Variants in PCDHGA12 observed in about 807,000 individuals in gnomAD.
PCDHGA12 encodes protocadherin gamma subfamily A, 12.
Under a neutral mutation model 61.1 loss-of-function variants are expected in PCDHGA12, and 43 were observed. The observed-to-expected ratio is 0.70, with a 90% CI of 0.55 to 0.91. The LOEUF (loss-of-function observed/expected upper bound fraction) is 0.91. PCDHGA12 is among the 40% of genes least tolerant of loss of function. PCDHGA12 has a pLI of 0.00. For missense variants in PCDHGA12, 1,236 were observed against 1,227.7 expected, an observed-to-expected ratio of 1.01 and a Z score of -0.10; for synonymous variants, 520 against 542.9, an observed-to-expected ratio of 0.96 and a Z score of 0.59.
chr5:141,490,030 C>G lies in PCDHGA12; in HGVS notation c.2425-4777C>G, dbSNP rs1361758608. The G allele has an allele frequency of 1.2e-6, 2 of 1,614,150 alleles. No individual in the cohort carries two copies. Among genetic ancestry groups the G allele is most frequent in the African/African-American group, 2.7e-5 (2 of 74,936 alleles). The stretch of plus-strand genomic sequence containing the variant: ...ACCCATTGGTACTCTGCTGCTCCGC[C>G]TCAATGCCACTGATCCAGACGAGGG... On this transcript the variant is annotated intron_variant, in intron 1 of 3. Coordinates refer to ENST00000252085, the MANE Select transcript of PCDHGA12 (RefSeq NM_003735.3). This position sits in a 1 kb window ranked among gnomAD's most constrained non-coding sequence, Gnocchi z 5.4.
At position 141,476,128 on chromosome 5, in the gene PCDHGA12, G is replaced by A. The variant is rs1450094771; in HGVS notation, c.2425-18679G>A. 1 of 1,606,456 alleles carries A rather than the reference G, an allele frequency of 6.2e-7. No homozygotes were observed. Among genetic ancestry groups the A allele is most frequent in the African/African-American group, 1.3e-5 (1 of 74,874 alleles). On this transcript the variant is annotated intron_variant, in intron 1 of 3. Transcript: ENST00000252085. The surrounding 1 kb of genome is among the most constrained non-coding windows in gnomAD (Gnocchi z 7.6). ...TGCTTTTGAGTGAGATGGTCCCAGA[G>A]GCCTGGAGGAGCGGACTGGTAAGCA...
intron 1 of PCDHGA12, among the ~76,000 whole-genome samples, chr5:141,463,088 C>T (rs768488458): frequency 6.6e-6 from 1 of 152,108 alleles, no homozygotes; most frequent in Non-Finnish European, 1.5e-5. Flanking sequence ...ATTTTCCAGC[C>T]CTATGTGACC....
intron 1 of PCDHGA12, among the ~76,000 whole-genome samples, chr5:141,470,448 T>C (rs1384666661): frequency 6.6e-6 from 1 of 152,192 alleles, no homozygotes. Flanking sequence ...TTTAATAGCA[T>C]CTTGAATAGG....
chr5:141,479,021 T>C (rs72790064), intron 1 of PCDHGA12, among the ~76,000 whole-genome samples: 1,892 of 152,352 alleles, frequency 0.012, 20 homozygotes, highest in Non-Finnish European at 0.018. Context: ...TAATTTTCCT[T>C]TGTTTATACA....
intron 1 of PCDHGA12, among the ~76,000 whole-genome samples, chr5:141,474,643 CCTTA>C (rs1474125632): frequency 1.3e-5 from 2 of 152,134 alleles, no homozygotes; most frequent in Admixed American, 1.3e-4. Flanking sequence ...TCCTATATAT[CCTTA>C]CTTCTTTTCT....
At chr5:141,480,295 G>A (rs1190133739) in intron 1 of PCDHGA12, among the ~76,000 whole-genome samples, 2 of 133,330 alleles carry the variant, frequency 1.5e-5, no homozygotes, top group Admixed American at 7.4e-5. Context: ...TGCACCTGTG[G>A]TACCAGCTAC....
In PCDHGA12 at chr5:141,480,546, G is replaced by A. The variant is rs184388425; in HGVS notation, c.2425-14261G>A. Reference sequence around the variant, plus strand: ...GACAAAGTAGAAGCACATATGAAAAGGCTAAGAAAGCATGAAAGCCAGCAA... The same window carrying A: ...GACAAAGTAGAAGCACATATGAAAAAGCTAAGAAAGCATGAAAGCCAGCAA... On this transcript the variant is annotated intron_variant, in intron 1 of 3. Coordinates refer to ENST00000252085, the MANE Select transcript of PCDHGA12 (RefSeq NM_003735.3). 4.9e-4 allele frequency among the ~76,000 whole-genome samples: 63 copies of A among 128,620 alleles called. 1 individual carries two copies. Among genetic ancestry groups the A allele is most frequent in the Middle Eastern group, 4.2e-3 (1 of 236 alleles). The allele number at this position is 128,620 out of a possible 152,430, so 84.4% of individuals were successfully genotyped here. A position where few individuals can be genotyped will look rare whatever the true frequency, so the allele number is the denominator to read the frequency against.
chr5:141,460,270 C>G (rs1223096441), intron 1 of PCDHGA12, among the ~76,000 whole-genome samples: 1 of 151,828 alleles, frequency 6.6e-6, no homozygotes, highest in Non-Finnish European at 1.5e-5. Context: ...TTTATTTTTT[C>G]TTTTATAGTT....
chr5:141,486,909 C>T lies in PCDHGA12; in HGVS notation c.2425-7898C>T, dbSNP rs759702188. ...CGGCCTGGTTCCTTATGTCCCCAAGCACTGCCTCCATCAGTTGGTGCTGGC... is the reference window on the plus strand; with the variant it reads ...CGGCCTGGTTCCTTATGTCCCCAAGTACTGCCTCCATCAGTTGGTGCTGGC... On this transcript the variant is annotated intron_variant, in intron 1 of 3. Transcript: ENST00000252085. This position sits in a 1 kb window ranked among gnomAD's most constrained non-coding sequence, Gnocchi z 5.0. 2 of 1,614,262 alleles carry T rather than the reference C, an allele frequency of 1.2e-6. No homozygotes were observed. Among genetic ancestry groups the T allele is most frequent in the Non-Finnish European group, 1.7e-6 (2 of 1,180,054 alleles).
intron 1 of PCDHGA12, among the ~76,000 whole-genome samples, chr5:141,435,605 C>T (rs776926758): frequency 1.1e-4 from 17 of 152,134 alleles, no homozygotes; most frequent in Non-Finnish European, 1.9e-4. Flanking sequence ...CTGCTTTTTA[C>T]ATTAAATTCC....
At chr5:141,495,278 C>A (rs2099760057) in intron 2 of PCDHGA12, among the ~76,000 whole-genome samples, 1 of 152,174 alleles carries the variant, frequency 6.6e-6, no homozygotes, top group Non-Finnish European at 1.5e-5. Context: ...CCGGAGGAGG[C>A]GGTCCGCACT....
At chr5:141,451,673 G>A (rs912482749) in intron 1 of PCDHGA12, among the ~76,000 whole-genome samples, 4 of 152,164 alleles carry the variant, frequency 2.6e-5, no homozygotes, top group African/African-American at 7.2e-5. Context: ...CTTGAGCCCA[G>A]GAGTTCAAGA....
chr5:141,475,981 G>A, intron 1 of PCDHGA12: 1 of 1,042,940 alleles, frequency 9.6e-7, no homozygotes, highest in Non-Finnish European at 1.4e-6. Context: ...CTGAACAGCC[G>A]GCGAGCAAAT....
chr5:141,491,114 C>T lies in PCDHGA12; in HGVS notation c.2425-3693C>T, dbSNP rs1240431232. 1 of 1,614,104 alleles carries T rather than the reference C, an allele frequency of 6.2e-7. No homozygotes were observed. Among genetic ancestry groups the T allele is most frequent in the Admixed American group, 1.7e-5 (1 of 60,012 alleles). ...GGACTGTTCCTCGTGTCTACACACA[C>T]TGGTGAGGTGCGCACAGCCCGGGCC... On this transcript the variant is annotated intron_variant, in intron 1 of 3. Transcript: ENST00000252085. The surrounding 1 kb of genome is among the most constrained non-coding windows in gnomAD (Gnocchi z 6.9).
At position 141,450,006 on chromosome 5, in the gene PCDHGA12, C is replaced by CTATTTTTTTTTTT. The variant is rs70988802; in HGVS notation, c.2424+16824_2424+16825insATTTTTTTTTTTT. Among the ~76,000 whole-genome samples, 4 of 132,982 alleles carry CTATTTTTTTTTTT rather than the reference C, an allele frequency of 3.0e-5. 1 individual carries two copies. The highest frequency in any genetic ancestry group is 5.6e-5 in the African/African-American group (2 of 35,576). 87.2% of individuals were successfully genotyped at this position (132,982 alleles called of 152,430 possible). A position where few individuals can be genotyped will look rare whatever the true frequency, so the allele number is the denominator to read the frequency against. Reference sequence around the variant, plus strand: ...CACATTGCATTTAGTTGCCATGTCTCTTTTTTTTTTTTTTTTTTGAGACAG... The same window carrying CTATTTTTTTTTTT: ...CACATTGCATTTAGTTGCCATGTCTCTATTTTTTTTTTTTTTTTTTTTTTTTTTTTTGAGACAG... On this transcript the variant is annotated intron_variant, in intron 1 of 3. Transcript: ENST00000252085.
Position 141,487,266 on chromosome 5 carries a change from T to A in PCDHGA12, c.2425-7541T>A. The stretch of plus-strand genomic sequence containing the variant: ...ACCCTCTACTTGGCTGTGTCCCTAG[T>A]GGCAATTTGCTTTGTCTCCTTTGGC... On this transcript the variant is annotated intron_variant, in intron 1 of 3. Transcript: ENST00000252085. This position sits in a 1 kb window ranked among gnomAD's most constrained non-coding sequence, Gnocchi z 5.0. The A allele has an allele frequency of 1.2e-6, 2 of 1,614,172 alleles. No homozygotes were observed. Among genetic ancestry groups the A allele is most frequent in the Non-Finnish European group, 8.5e-7 (1 of 1,180,036 alleles).
In PCDHGA12 at chr5:141,431,414, G is replaced by A. The variant is rs1184197093; in HGVS notation, c.655G>A (p.Asp219Asn). Residue 219 changes from aspartate (D) to asparagine (N), a missense_variant, in exon 1 of 4, where the codon GAC (aspartate) becomes AAC (asparagine). Coordinates refer to ENST00000252085, the MANE Select transcript of PCDHGA12 (RefSeq NM_003735.3). The surrounding 1 kb of genome is among the most constrained non-coding windows in gnomAD (Gnocchi z 4.8). Reference protein sequence around the residue: ...HLVLTASDGGDPVRTGTARIR... With the variant: ...HLVLTASDGGNPVRTGTARIR... ...GGTCCTTACGGCCTCCGACGGGGGC[G>A]ACCCGGTGCGCACAGGCACCGCGCG... The A allele has an allele frequency of 6.2e-7, 1 of 1,613,658 alleles. No homozygotes were observed. The highest frequency in any genetic ancestry group is 1.7e-5 in the Admixed American group (1 of 60,026).
In PCDHGA12 at chr5:141,487,819, C is replaced by A; in HGVS notation, c.2425-6988C>A. 2.3e-6 allele frequency: 3 copies of A among 1,285,528 alleles called. No homozygotes were observed. Among genetic ancestry groups the A allele is most frequent in the Non-Finnish European group, 3.2e-6 (3 of 932,998 alleles). 79.6% of individuals were successfully genotyped at this position (1,285,528 alleles called of 1,614,324 possible). On this transcript the variant is annotated intron_variant, in intron 1 of 3. Transcript: ENST00000252085. This position sits in a 1 kb window ranked among gnomAD's most constrained non-coding sequence, Gnocchi z 5.0. ...AGTTGTCACAGTTTAGCATTGGGGG[C>A]GGGTCATGCCTATATCTGAGTAAGA...
At position 141,490,381 on chromosome 5, in the gene PCDHGA12, A is replaced by T. The variant is rs770046796; in HGVS notation, c.2425-4426A>T. 1 of 1,614,240 alleles carries T rather than the reference A, an allele frequency of 6.2e-7. No homozygotes were observed. The highest frequency in any genetic ancestry group is 1.1e-5 in the South Asian group (1 of 91,090). On this transcript the variant is annotated intron_variant, in intron 1 of 3. Coordinates refer to ENST00000252085, the MANE Select transcript of PCDHGA12 (RefSeq NM_003735.3). This position sits in a 1 kb window ranked among gnomAD's most constrained non-coding sequence, Gnocchi z 5.4. ...TAATGTGCGAGACCGGGACTCAGGT[A>T]GAAATGGTGAAGTGAGCCTTGATAT...
Sources: gnomAD v4.1 joint callset for allele counts (sites outside exome capture counted in the v4.1 genomes callset) on GRCh38, gnomAD v4.1.1 for gene constraint, Gnocchi (gnomAD v3.1) non-coding constraint, MANE v1.5 for transcripts, NCBI Gene and HGNC (gene_info 2026-07-23, HGNC 2026-07-21) for gene names.